The following ZNF138 variants were observed in gnomAD, a reference collection of about 807,000 sequenced individuals.
The protein encoded by ZNF138 is zinc finger protein 138 (clone pHZ-32).
ZNF138 carries 33 observed loss-of-function variants against 33.0 expected under a neutral mutation model. The observed-to-expected ratio is 1.00, with a 90% confidence interval of 0.76 to 1.34. The LOEUF (loss-of-function observed/expected upper bound fraction) is 1.34. Among genes scored for constraint, ZNF138 ranks in the 40% most tolerant of loss-of-function variants. The probability of loss-of-function intolerance (pLI) is 0.00; values close to 1 mark genes in which losing one functional copy is unlikely to be tolerated. For synonymous variants in ZNF138, 139 were observed against 120.4 expected, an observed-to-expected ratio of 1.15 and a Z score of -1.01; for missense variants, 360 against 370.8, an observed-to-expected ratio of 0.97 and a Z score of 0.24.
chr7:64,847,516 T>C, the ZNF138 span, among the ~76,000 whole-genome samples: 1 of 151,996 alleles, frequency 6.6e-6, no homozygotes, highest in African/African-American at 2.4e-5. Context: ...GTAATTGTTT[T>C]ATAAATTTGG....
intron 3 of ZNF138, among the ~76,000 whole-genome samples, chr7:64,830,605 G>A (rs1790005373): frequency 6.6e-6 from 1 of 152,078 alleles, no homozygotes; most frequent in Non-Finnish European, 1.5e-5. Context: ...TTACAGACAT[G>A]AGCCACCATG....
At chr7:64,825,425 C>G (rs1789514646) in intron 3 of ZNF138, among the ~76,000 whole-genome samples, 1 of 151,788 alleles carries the variant, frequency 6.6e-6, no homozygotes, top group Non-Finnish European at 1.5e-5. Flanking sequence ...CCCACCTTGG[C>G]CTCCCAAAGT....
At chr7:64,827,005 T>C (rs1187739260) in intron 3 of ZNF138, among the ~76,000 whole-genome samples, 1 of 152,154 alleles carries the variant, frequency 6.6e-6, no homozygotes, top group Non-Finnish European at 1.5e-5. Flanking sequence ...ATCATTATTA[T>C]AGTAAAGAAT....
At chr7:64,838,464 G>A (rs1454326711), downstream of ZNF138, among the ~76,000 whole-genome samples, 1 of 152,178 alleles carries the variant, frequency 6.6e-6, no homozygotes, top group African/African-American at 2.4e-5. Context: ...GGGCCTGGGA[G>A]ATCGTACCTC....
At chr7:64,820,272 C>A (rs1789022765) in intron 3 of ZNF138, among the ~76,000 whole-genome samples, 1 of 151,388 alleles carries the variant, frequency 6.6e-6, no homozygotes, top group Non-Finnish European at 1.5e-5. Flanking sequence ...CTTAAGATAC[C>A]TTATAAGTGG....
chr7:64,823,870 A>G (rs766315203), intron 3 of ZNF138, among the ~76,000 whole-genome samples: 1 of 152,188 alleles, frequency 6.6e-6, no homozygotes, highest in Non-Finnish European at 1.5e-5. Flanking sequence ...CACCGGAAGC[A>G]GAGGTTGCAG....
chr7:64,843,544 ATTG>A, the ZNF138 span, among the ~76,000 whole-genome samples: 1 of 152,158 alleles, frequency 6.6e-6, no homozygotes. Context: ...AATAACTGAT[ATTG>A]AGCATTTTTA....
Position 64,831,734 on chromosome 7 carries a change from TA to T in ZNF138, c.495del (p.Lys165AsnfsTer18), listed in dbSNP as rs1395583802. The stretch of plus-strand genomic sequence containing the variant: ...GACACAAGATAAGACATACTGAAAA[TA>T]AACATTTCAGATGTAAAGAATGTGA... ...NRHKIRHTEN[K>X]HFRCKECDKS... On this transcript the variant is annotated frameshift_variant, in exon 4 of 4. Transcript: ENST00000307355. LOFTEE classifies it high-confidence loss of function. The T allele has an allele frequency of 1.9e-6, 3 of 1,612,944 alleles. No homozygotes were observed. In the African/African-American group the frequency reaches 4.0e-5, roughly 22 times the overall value.
chr7:64,837,801 C>G (rs185128448), downstream of ZNF138, among the ~76,000 whole-genome samples: 1 of 152,130 alleles, frequency 6.6e-6, no homozygotes, highest in Admixed American at 6.5e-5. Context: ...GCTACTACCT[C>G]TGCTGTTTTA....
chr7:64,825,436 G>A (rs1789516362), intron 3 of ZNF138, among the ~76,000 whole-genome samples: 1 of 151,656 alleles, frequency 6.6e-6, no homozygotes, highest in African/African-American at 2.4e-5. Context: ...CTCCCAAAGT[G>A]CTGGGATTAC....
At chr7:64,826,009 G>GTT (rs1395651584) in intron 3 of ZNF138, among the ~76,000 whole-genome samples, 106 of 151,760 alleles carry the variant, frequency 7.0e-4, no homozygotes, top group African/African-American at 2.5e-3. Flanking sequence ...AGTTATTTAT[G>GTT]TATTTTTTGT....
intron 3 of ZNF138, among the ~76,000 whole-genome samples, chr7:64,823,536 A>G (rs922162709): frequency 2.6e-5 from 4 of 152,024 alleles, no homozygotes; most frequent in African/African-American, 4.8e-5. Flanking sequence ...AGACATCACT[A>G]TGTTGCCCAG....
rs145499903 is a variant in ZNF138 at position 64,813,354 on chromosome 7, G to A, written c.4-1564G>A. ...TATTAAGAGATCCCTGCTCTTTGGG[G>A]TGCTAAAGAAAGACTACTTAAAATC... On this transcript the variant is annotated intron_variant, in intron 1 of 3. Transcript: ENST00000307355. Among the ~76,000 whole-genome samples, 898 of 152,084 alleles carry A rather than the reference G, an allele frequency of 5.9e-3. 4 individuals carry two copies. The highest frequency in any genetic ancestry group is 0.01 in the Admixed American group (160 of 15,264).
At position 64,831,907 on chromosome 7, in the gene ZNF138, C is replaced by G; in HGVS notation, c.665C>G (p.Pro222Arg). Residue 222 changes from proline to arginine, a missense_variant, in exon 4 of 4, where the codon CCC becomes CGC. Coordinates refer to ENST00000307355, the MANE Select transcript of ZNF138 (RefSeq NM_001271639.2). ...KPKKIHTGEK[P>R]YKCEVCGKAF... is the part of the protein sequence containing the mutation. ...AAGAAAATTCATACTGGAGAAAAAC[C>G]CTACAAATGTGAAGTATGTGGAAAA... The G allele has an allele frequency of 1.2e-6, 2 of 1,613,702 alleles. No individual in the cohort carries two copies. The highest frequency in any genetic ancestry group is 1.7e-6 in the Non-Finnish European group (2 of 1,179,820).
chr7:64,832,186 C>T lies in ZNF138; in HGVS notation c.944C>T (p.Ala315Val). 1 of 1,607,298 alleles carries T rather than the reference C, an allele frequency of 6.2e-7. No homozygotes were observed. Among genetic ancestry groups the T allele is most frequent in the Non-Finnish European group, 8.5e-7 (1 of 1,178,086 alleles). The change falls in exon 4 of 4, where the codon GCT (alanine) becomes GTT (valine). Residue 315 changes from alanine (A) to valine (V), a missense_variant. Ala to Val is a moderately conservative substitution (Grantham distance 64, BLOSUM62 0). Transcript: ENST00000307355. ...EPYKCEECGK[A>V]FNLS ...TACAAATGTGAGGAATGTGGCAAAGCTTTTAACCTATCTTAACAACTTACT... is the reference window on the plus strand; with the variant it reads ...TACAAATGTGAGGAATGTGGCAAAGTTTTTAACCTATCTTAACAACTTACT...
intron 1 of ZNF138, among the ~76,000 whole-genome samples, chr7:64,797,833 A>G (rs770261253): frequency 1.3e-5 from 2 of 152,250 alleles, no homozygotes; most frequent in African/African-American, 2.4e-5. Flanking sequence ...TAAGGATTGC[A>G]AAGTTTAGGC....
At chr7:64,853,818 TCA>T in the ZNF138 span, among the ~76,000 whole-genome samples, 1 of 151,902 alleles carries the variant, frequency 6.6e-6, no homozygotes, top group African/African-American at 2.4e-5. Context: ...GTTATTATCC[TCA>T]GTTTGCAGAG....
intron 3 of ZNF138, among the ~76,000 whole-genome samples, chr7:64,815,949 C>T (rs968134766): frequency 7.2e-5 from 11 of 152,056 alleles, no homozygotes; most frequent in African/African-American, 2.4e-4. Context: ...TTTAAGGACA[C>T]GCAAATATCT....
chr7:64,798,957 T>C (rs1299559519), intron 1 of ZNF138, among the ~76,000 whole-genome samples: 2 of 151,734 alleles, frequency 1.3e-5, no homozygotes, highest in African/African-American at 4.8e-5. Flanking sequence ...TACAGCCTTA[T>C]AGAATAGTTT....
Sources: gnomAD v4.1 joint callset for allele counts (sites outside exome capture counted in the v4.1 genomes callset) on GRCh38, gnomAD v4.1.1 for gene constraint, MANE v1.5 for transcripts, NCBI Gene and HGNC (gene_info 2026-07-23, HGNC 2026-07-21) for gene names.